The following ARMCX4 variants were observed in gnomAD, a reference collection of about 807,000 sequenced individuals.
ARMCX4 encodes the protein armadillo repeat containing X-linked 4, also known as armadillo repeat-containing X-linked protein 4.
Under a neutral mutation model 34.7 loss-of-function variants are expected in ARMCX4, and 3 were observed. The ratio of observed to expected loss-of-function variants is 0.09; its 90% CI spans 0.04 to 0.22. The LOEUF (loss-of-function observed/expected upper bound fraction) is 0.22. ARMCX4 is among the 10% of genes least tolerant of loss of function. ARMCX4 has a pLI of 1.00. For missense variants in ARMCX4, 1,448 were observed against 1,720.8 expected (o/e 0.84, Z 2.81); for synonymous variants, 513 against 632.8 (o/e 0.81, Z 2.84).
intron 4 of ARMCX4, among the ~76,000 whole-genome samples, chrX:101,480,123 G>GACACACAC (rs57237822): frequency 1.1e-3 from 82 of 76,688 alleles, no homozygotes; most frequent in South Asian, 2.0e-3. Context: ...AGGATTTGGA[G>GACACACAC]ACACACACAC....
At chrX:101,440,189 T>C (rs1337992490) in intron 2 of ARMCX4, among the ~76,000 whole-genome samples, 1 of 112,095 alleles carries the variant, frequency 8.9e-6, no homozygotes, top group East Asian at 2.8e-4. Context: ...TAGTTTTCCT[T>C]CTAACAGACA....
intron 2 of ARMCX4, among the ~76,000 whole-genome samples, chrX:101,430,504 C>G (rs1225139376): frequency 8.9e-6 from 1 of 112,549 alleles, no homozygotes; most frequent in Non-Finnish European, 1.9e-5. Context: ...GAAGAAATAT[C>G]CCTTATCCCC....
chrX:101,464,218 C>CAA (rs199842946), intron 4 of ARMCX4, among the ~76,000 whole-genome samples: 21 of 108,959 alleles, frequency 1.9e-4, no homozygotes, highest in African/African-American at 6.0e-4. Flanking sequence ...ATGAAAAATA[C>CAA]AAAAAAAATT....
At chrX:101,515,423 C>T in intron 11 of ARMCX4, among the ~76,000 whole-genome samples, 3 of 11,293 alleles carry the variant, frequency 2.7e-4, no homozygotes, top group African/African-American at 3.3e-4. Flanking sequence ...CTCTTCCTTC[C>T]TTCCTTCCTT....
chrX:101,470,260 T>G (rs1556002747), intron 4 of ARMCX4, among the ~76,000 whole-genome samples: 1 of 112,311 alleles, frequency 8.9e-6, no homozygotes, highest in East Asian at 2.8e-4. Flanking sequence ...AATGGAATCC[T>G]GCAATACTCT....
At chrX:101,455,102 A>G (rs1219883616) in intron 4 of ARMCX4, among the ~76,000 whole-genome samples, 1 of 111,622 alleles carries the variant, frequency 9.0e-6, no homozygotes, top group Non-Finnish European at 1.9e-5. Context: ...GGGAAAGAAG[A>G]GATTTGAAGG....
intron 2 of ARMCX4, among the ~76,000 whole-genome samples, chrX:101,436,481 TG>T (rs1282643350): frequency 2.7e-5 from 3 of 111,259 alleles, no homozygotes; most frequent in African/African-American, 9.8e-5. Context: ...TTGTGATTTT[TG>T]CACATTGATT....
chrX:101,477,430 C>CAAAAAAAAAAAAAAAA (rs1156582627), intron 4 of ARMCX4, among the ~76,000 whole-genome samples: 1 of 12,496 alleles, frequency 8.0e-5, no homozygotes, highest in Non-Finnish European at 1.3e-4. Flanking sequence ...GACTCTGTCT[C>CAAAAAAAAAAAAAAAA]AAAAAAAAAA....
intron 11 of ARMCX4, among the ~76,000 whole-genome samples, chrX:101,518,468 G>A (rs1934786917): frequency 1.8e-5 from 2 of 111,491 alleles, no homozygotes; most frequent in African/African-American, 6.5e-5. Flanking sequence ...GCATTAAAAT[G>A]TAGAATTTTC....
At chrX:101,486,562 C>T (rs1415794197) in intron 2 of ARMCX4, among the ~76,000 whole-genome samples, 1 of 110,516 alleles carries the variant, frequency 9.0e-6, no homozygotes, top group Non-Finnish European at 1.9e-5. Flanking sequence ...ATCCCTCTAC[C>T]TACCTGACCA....
intron 2 of ARMCX4, among the ~76,000 whole-genome samples, chrX:101,435,837 G>A (rs1468905100): frequency 9.0e-6 from 1 of 110,762 alleles, no homozygotes; most frequent in African/African-American, 3.3e-5. Flanking sequence ...GTAAGGAAGG[G>A]ATCCAGTTTC....
intron 11 of ARMCX4, among the ~76,000 whole-genome samples, chrX:101,515,293 C>A (rs984384696): frequency 1.8e-5 from 2 of 109,083 alleles, no homozygotes; most frequent in African/African-American, 6.7e-5. Context: ...TTTTTCTTTT[C>A]TGTTTTCTTT....
intron 2 of ARMCX4, among the ~76,000 whole-genome samples, chrX:101,439,223 G>C (rs1182923032): frequency 5.4e-5 from 6 of 111,271 alleles, no homozygotes; most frequent in South Asian, 7.6e-4. Context: ...TTCTCCTTCA[G>C]TTATGAAGCT....
intron 2 of ARMCX4, among the ~76,000 whole-genome samples, chrX:101,437,437 G>T (rs1363629813): frequency 7.1e-5 from 8 of 112,111 alleles, no homozygotes; most frequent in African/African-American, 2.6e-4. Flanking sequence ...TTGCGTAGAG[G>T]TGTTTATAGT....
chrX:101,480,563 C>T, upstream of ARMCX4, among the ~76,000 whole-genome samples: 1 of 110,858 alleles, frequency 9.0e-6, no homozygotes. Context: ...GAAACCCTGT[C>T]TAAAAAAGTA....
At chrX:101,425,169 T>G (rs1375239001) in intron 2 of ARMCX4, among the ~76,000 whole-genome samples, 2 of 111,613 alleles carry the variant, frequency 1.8e-5, no homozygotes, top group Non-Finnish European at 3.8e-5. Context: ...GAGGGACTTG[T>G]GTCATTGAAG....
At chrX:101,463,394 C>CTT (rs782248345) in intron 4 of ARMCX4, among the ~76,000 whole-genome samples, 2 of 112,194 alleles carry the variant, frequency 1.8e-5, no homozygotes, top group Non-Finnish European at 3.8e-5. Flanking sequence ...TCTTGGCAAA[C>CTT]TGTACCACTG....
chrX:101,483,084 C>T (rs994174569), upstream of ARMCX4, among the ~76,000 whole-genome samples: 3 of 108,244 alleles, frequency 2.8e-5, no homozygotes, highest in Admixed American at 1.0e-4. Context: ...TTAATAGAAA[C>T]GGGGTTTCAC....
chrX:101,491,011 G>A lies in ARMCX4; in HGVS notation c.2422G>A (p.Val808Ile), dbSNP rs1933953969. 1 of 1,153,430 alleles carries A rather than the reference G, an allele frequency of 8.7e-7. No homozygotes were observed. Among genetic ancestry groups the A allele is most frequent in the Non-Finnish European group, 1.1e-6 (1 of 872,331 alleles). Residue 808 changes from valine (V) to isoleucine (I), a missense_variant, in exon 6 of 6, where the codon GTC (valine) becomes ATC (isoleucine). Physicochemically the swap from Val to Ile is conservative, Grantham distance 29. Coordinates refer to ENST00000423738, the MANE Select transcript of ARMCX4 (RefSeq NM_001256155.3). ...CETLPGAKNK[V>I]RGNWNAVSKA... ...GACCTTGCCTGGTGCCAAGAATAAG[G>A]TCAGGGGAAATTGGAATGCTGTGTC...
Sources: allele counts gnomAD v4.1 joint callset (sites outside exome capture counted in the v4.1 genomes callset), GRCh38; gene constraint gnomAD v4.1.1; transcripts MANE v1.5; gene names NCBI Gene and HGNC (gene_info 2026-07-23, HGNC 2026-07-21).